Variants in DENND3 observed in about 807,000 individuals in gnomAD.
DENND3 encodes DENN domain-containing protein 3.
A neutral mutation model predicts 135.1 loss-of-function variants in DENND3; 88 were observed. The observed-to-expected ratio is 0.65, with a 90% CI of 0.55 to 0.78. DENND3 has a LOEUF of 0.78. Ranked by LOEUF, DENND3 falls within the 30% of genes least tolerant of loss-of-function variation. The pLI is 0.00. For missense variants in DENND3, 1,392 were observed against 1,688.4 expected (o/e 0.82, Z 3.08); for synonymous variants, 693 against 712.3 (o/e 0.97, Z 0.43).
intron 7 of DENND3, among the ~76,000 whole-genome samples, chr8:141,152,067 C>G (rs1818857034): frequency 6.6e-6 from 1 of 152,244 alleles, no homozygotes; most frequent in Admixed American, 6.5e-5. Context: ...GTGCCCACCT[C>G]ATTGTCCCGG....
At chr8:141,185,650 A>G (rs1337127335) in intron 18 of DENND3, among the ~76,000 whole-genome samples, 1 of 151,720 alleles carries the variant, frequency 6.6e-6, no homozygotes, top group Non-Finnish European at 1.5e-5. Context: ...ACAGAGTGAG[A>G]CCCCATCTCT....
At position 141,138,839 on chromosome 8, in the gene DENND3, A is replaced by G. The variant is rs1033191245; in HGVS notation, c.501+702A>G. ...GTGTGCCAGTGCCCCGTGGCCTTTT[A>G]TGGCGAGTGACATTCCATCGTTTGG... On this transcript the variant is annotated intron_variant, in intron 3 of 22. Coordinates refer to ENST00000519811, the MANE Select transcript of DENND3 (RefSeq NM_001352890.3). The surrounding 1 kb of genome is among the most constrained non-coding windows in gnomAD (Gnocchi z 4.8). Among the ~76,000 whole-genome samples the G allele has an allele frequency of 1.3e-5, 2 of 152,140 alleles. No homozygotes were observed. Among genetic ancestry groups the G allele is most frequent in the African/African-American group, 4.8e-5 (2 of 41,420 alleles).
rs1182568112 is a variant in DENND3, at chr8:141,139,902, C to T, written c.502-1301C>T. On this transcript the variant is annotated intron_variant, in intron 3 of 22. Transcript: ENST00000519811. This position sits in a 1 kb window ranked among gnomAD's most constrained non-coding sequence, Gnocchi z 4.2. ...TGTATCCGGATGACGCTATATCTAT[C>T]GTTTTTTTCTTTCTTTTTTTTTTTT... 6.9e-6 allele frequency among the ~76,000 whole-genome samples: 1 copy of T among 145,702 alleles called. No individual in the cohort carries two copies. Among genetic ancestry groups the T allele is most frequent in the African/African-American group, 2.6e-5 (1 of 38,550 alleles).
rs1243506384 is a variant in DENND3, at chr8:141,175,264, A to C, written c.2340A>C (p.Glu780Asp). ...KDFYNCWKET[E>D]AEAQEVSLPW... Reference sequence around the variant, plus strand: ...TCTACAACTGCTGGAAGGAGACGGAAGCAGAAGCCCAGGAGGTCAGTCTGC... The same window carrying C: ...TCTACAACTGCTGGAAGGAGACGGACGCAGAAGCCCAGGAGGTCAGTCTGC... Residue 780 changes from glutamate to aspartate, a missense_variant, in exon 14 of 23, where the codon GAA (glutamate) becomes GAC (aspartate). Glu to Asp is a conservative substitution (Grantham distance 45, BLOSUM62 2). Coordinates refer to ENST00000519811, the MANE Select transcript of DENND3 (RefSeq NM_001352890.3). This position sits in a 1 kb window ranked among gnomAD's most constrained non-coding sequence, Gnocchi z 5.4. 1.2e-6 allele frequency: 2 copies of C among 1,614,248 alleles called. No individual in the cohort carries two copies. Among genetic ancestry groups the C allele is most frequent in the Non-Finnish European group, 1.7e-6 (2 of 1,180,048 alleles).
rs1434606300 is a variant in DENND3, at chr8:141,144,132, G to T, written c.624-16G>T. The T allele has an allele frequency of 6.3e-7, 1 of 1,598,606 alleles. No homozygotes were observed. The highest frequency in any genetic ancestry group is 2.2e-5 in the East Asian group (1 of 44,590). ...ATCTTTATTTTGCGGTTTGAGTTTT[G>T]TGTTTCGAATTTCAGTTTATTGGCT... On this transcript the variant is annotated splice_polypyrimidine_tract_variant and intron_variant, in intron 4 of 22. Coordinates refer to ENST00000519811, the MANE Select transcript of DENND3 (RefSeq NM_001352890.3). The surrounding 1 kb of genome is among the most constrained non-coding windows in gnomAD (Gnocchi z 4.4).
chr8:141,155,785 C>A, intron 7 of DENND3, 64 bp from the exon 8 acceptor site: 1 of 1,513,018 alleles, frequency 6.6e-7, no homozygotes, highest in Non-Finnish European at 8.9e-7. Flanking sequence ...TATGTGTTTT[C>A]AAAGAGGTAT....
In DENND3 at chr8:141,162,193, A is replaced by G. The variant is rs74445709; in HGVS notation, c.1353-1140A>G. On this transcript the variant is annotated intron_variant, in intron 9 of 22. Transcript: ENST00000519811. ...GGATGGTGTATTACAGACATGTGAT[A>G]TTATCTCTGCTCAAAGAGGCATAAT... 1.9e-3 allele frequency among the ~76,000 whole-genome samples: 290 copies of G among 152,330 alleles called. 8 individuals are homozygous for G. In the East Asian group the frequency reaches 0.033, roughly 18 times the overall value.
At position 141,178,090 on chromosome 8, in the gene DENND3, G is replaced by A. The variant is rs148210726; in HGVS notation, c.2730G>A (p.Ala910=). 125 of 1,610,590 alleles carry A rather than the reference G, an allele frequency of 7.8e-5. No individual in the cohort carries two copies. Among genetic ancestry groups the A allele is most frequent in the African/African-American group, 7.3e-4 (55 of 75,026 alleles). Residue 910 remains alanine, a synonymous_variant, in exon 16 of 23, where the codon GCG becomes GCA. Transcript: ENST00000519811. ...DHKDPHYVQQ[A]LTNVLLMDAV... Reference sequence around the variant, plus strand: ...AGGACCCTCACTACGTCCAGCAGGCGCTGACCAACGTCTTGCTGATGGACG... The same window carrying A: ...AGGACCCTCACTACGTCCAGCAGGCACTGACCAACGTCTTGCTGATGGACG...
At position 141,194,227 on chromosome 8, in the gene DENND3, C is replaced by T. The variant is rs1045248; in HGVS notation, c.3831C>T (p.Gly1277=). Residue 1277 remains glycine, a synonymous_variant, in exon 23 of 23, where the codon GGC becomes GGT. Coordinates refer to ENST00000519811, the MANE Select transcript of DENND3 (RefSeq NM_001352890.3). Reference sequence around the variant, plus strand: ...AGGGGAAAGTCGCCATTTGGAAAGGCGAATAAACGTGGCTGAGTCTGCCAA... The same window carrying T: ...AGGGGAAAGTCGCCATTTGGAAAGGTGAATAAACGTGGCTGAGTCTGCCAA... The part of the protein sequence containing the change: ...REEGKVAIWK[G]E 5 of 1,611,500 alleles carry T rather than the reference C, an allele frequency of 3.1e-6. No individual in the cohort carries two copies. The highest frequency in any genetic ancestry group is 3.4e-6 in the Non-Finnish European group (4 of 1,179,320).
At position 141,144,214 on chromosome 8, in the gene DENND3, G is replaced by A. The variant is rs267601799; in HGVS notation, c.690G>A (p.Ala230=). The part of the protein sequence containing the change: ...EVDSHIKDFA[A]KLSLIPSPPP... ...ACAGTCATATAAAAGATTTCGCTGC[G>A]AAGCTGTCTTTAATACCCAGCCCGC... Residue 230 remains alanine (A), a synonymous_variant, in exon 5 of 23, where the codon GCG becomes GCA. Coordinates refer to ENST00000519811, the MANE Select transcript of DENND3 (RefSeq NM_001352890.3). The surrounding 1 kb of genome is among the most constrained non-coding windows in gnomAD (Gnocchi z 4.4). 6.8e-6 allele frequency: 11 copies of A among 1,613,644 alleles called. No individual in the cohort carries two copies. The highest frequency in any genetic ancestry group is 2.2e-5 in the East Asian group (1 of 44,832).
intron 6 of DENND3, among the ~76,000 whole-genome samples, chr8:141,151,272 G>A (rs1235797945): frequency 1.3e-5 from 2 of 152,138 alleles, no homozygotes; most frequent in Non-Finnish European, 2.9e-5. Context: ...TCAGAAGTGT[G>A]TACATGGGCC....
chr8:141,164,228 T>G (rs1266196736), intron 10 of DENND3, among the ~76,000 whole-genome samples: 2 of 152,216 alleles, frequency 1.3e-5, no homozygotes, highest in African/African-American at 4.8e-5. Flanking sequence ...CTCCTTTTTT[T>G]GCTAGGAATG....
In DENND3 at chr8:141,141,335, G is replaced by T; in HGVS notation, c.623+11G>T. The T allele has an allele frequency of 6.2e-7, 1 of 1,612,760 alleles. No homozygotes were observed. The highest frequency in any genetic ancestry group is 2.2e-5 in the East Asian group (1 of 44,850). ...GGACTGCCTTTCCTGGTGAGCTGGGGCACCGGGGGCCAGGGGTGGTAGGGG... is the reference window on the plus strand; with the variant it reads ...GGACTGCCTTTCCTGGTGAGCTGGGTCACCGGGGGCCAGGGGTGGTAGGGG... On this transcript the variant is annotated intron_variant, in intron 4 of 22. Coordinates refer to ENST00000519811, the MANE Select transcript of DENND3 (RefSeq NM_001352890.3). This position sits in a 1 kb window ranked among gnomAD's most constrained non-coding sequence, Gnocchi z 5.3.
chr8:141,163,907 CAAAAA>C (rs1157176340), intron 10 of DENND3, among the ~76,000 whole-genome samples: 3 of 55,908 alleles, frequency 5.4e-5, no homozygotes, highest in Non-Finnish European at 8.4e-5. Context: ...GACTCCGTCT[CAAAAA>C]AAAAAAAAAA....
rs1229728243 is a variant in DENND3 at position 141,175,256 on chromosome 8, G to A, written c.2332G>A (p.Glu778Lys). ...TFKDFYNCWK[E>K]TEAEAQEVSL... is the part of the protein sequence containing the mutation. ...CAAAGATTTCTACAACTGCTGGAAG[G>A]AGACGGAAGCAGAAGCCCAGGAGGT... Residue 778 changes from glutamate (E) to lysine (K), a missense_variant, in exon 14 of 23, where the codon GAG (glutamate) becomes AAG (lysine). Physicochemically the swap from Glu to Lys is moderately conservative, Grantham distance 56. Coordinates refer to ENST00000519811, the MANE Select transcript of DENND3 (RefSeq NM_001352890.3). This position sits in a 1 kb window ranked among gnomAD's most constrained non-coding sequence, Gnocchi z 5.4. The A allele has an allele frequency of 6.2e-7, 1 of 1,614,230 alleles. No individual in the cohort carries two copies. Among genetic ancestry groups the A allele is most frequent in the Non-Finnish European group, 8.5e-7 (1 of 1,180,044 alleles).
Position 141,167,848 on chromosome 8 carries a change from G to C in DENND3, c.1754-156G>C, listed in dbSNP as rs1402309106. On this transcript the variant is annotated intron_variant, in intron 12 of 22. Coordinates refer to ENST00000519811, the MANE Select transcript of DENND3 (RefSeq NM_001352890.3). The surrounding 1 kb of genome is among the most constrained non-coding windows in gnomAD (Gnocchi z 4.1). ...TGAGGGTTCTCTCATGCCTCCCAGG[G>C]GGGTGGGTGTGTGGAGCTTTCTGGA... is the stretch of plus-strand genomic sequence containing the variant. Among the ~76,000 whole-genome samples the C allele has an allele frequency of 6.6e-6, 1 of 152,166 alleles. No individual in the cohort carries two copies. Among genetic ancestry groups the C allele is most frequent in the Non-Finnish European group, 1.5e-5 (1 of 68,030 alleles).
chr8:141,185,027 A>G, intron 17 of DENND3, 112 bp from the exon 18 acceptor site: 4 of 1,395,814 alleles, frequency 2.9e-6, no homozygotes, highest in Admixed American at 4.4e-5. Context: ...AGCACCTAAC[A>G]TGGGCCTGGC....
chr8:141,189,203 C>T (rs1824347792), intron 19 of DENND3, 57 bp downstream of exon 19: 1 of 1,610,590 alleles, frequency 6.2e-7, no homozygotes, highest in Non-Finnish European at 8.5e-7. Context: ...GGGCAGAAGG[C>T]ACAGCGGGTA....
rs1417331845 is a variant in DENND3 at position 141,144,534 on chromosome 8, G to T, written c.735+275G>T. On this transcript the variant is annotated intron_variant, in intron 5 of 22. Coordinates refer to ENST00000519811, the MANE Select transcript of DENND3 (RefSeq NM_001352890.3). The surrounding 1 kb of genome is among the most constrained non-coding windows in gnomAD (Gnocchi z 4.4). ...CTCTCCCTCTTGCGTGAGTGTATGGGGTGTTTGTGTATAGGGTTGTAAACT... is the reference window on the plus strand; with the variant it reads ...CTCTCCCTCTTGCGTGAGTGTATGGTGTGTTTGTGTATAGGGTTGTAAACT... 2.0e-5 allele frequency among the ~76,000 whole-genome samples: 3 copies of T among 152,074 alleles called. No homozygotes were observed.
Sources: gnomAD v4.1 joint callset for allele counts (sites outside exome capture counted in the v4.1 genomes callset) on GRCh38, gnomAD v4.1.1 for gene constraint, Gnocchi (gnomAD v3.1) non-coding constraint, MANE v1.5 for transcripts, NCBI Gene and HGNC (gene_info 2026-07-23, HGNC 2026-07-21) for gene names.